PDLIM5: variants seen among roughly 807,000 people sequenced by gnomAD.
PDLIM5 encodes the protein PDZ and LIM domain 5.
In PDLIM5, 34 loss-of-function variants were observed where a neutral mutation model predicts 64.2. The observed-to-expected ratio is 0.53, with a 90% CI of 0.40 to 0.71. PDLIM5 has a LOEUF of 0.71. Ranked by LOEUF, PDLIM5 falls within the 30% of genes least tolerant of loss-of-function variation. PDLIM5 has a pLI of 0.00. For missense variants in PDLIM5, 683 were observed against 733.6 expected (o/e 0.93, Z 0.80); for synonymous variants, 253 against 269.1 (o/e 0.94, Z 0.59).
Position 94,484,442 on chromosome 4 carries a change from G to A in PDLIM5, c.96+29058G>A, listed in dbSNP as rs375494985. On this transcript the variant is annotated intron_variant, in intron 2 of 12. Transcript: ENST00000317968. ...AAATAGAATTATTAATTTACTTTGC[G>A]TGGATCACTATATATAACTATGTAA... Among the ~76,000 whole-genome samples the A allele has an allele frequency of 7.2e-5, 11 of 152,246 alleles. No homozygotes were observed. The East Asian group carries it at 1.2e-3, about 16-fold the overall frequency.
chr4:94,612,323 T>C (rs1578470323), intron 7 of PDLIM5, among the ~76,000 whole-genome samples: 1 of 152,322 alleles, frequency 6.6e-6, no homozygotes, highest in East Asian at 1.9e-4. Flanking sequence ...AGAAAGATCA[T>C]AGTACATTTT....
At chr4:94,455,814 C>A in intron 2 of PDLIM5, 1 of 1,494,798 alleles carries the variant, frequency 6.7e-7, no homozygotes, top group Non-Finnish European at 9.0e-7. Context: ...GAATTATTTC[C>A]TCAGCTCACT....
chr4:94,636,460 GATT>G (rs1391438999), intron 8 of PDLIM5, among the ~76,000 whole-genome samples: 1 of 147,558 alleles, frequency 6.8e-6, no homozygotes. Context: ...TCATGTAACT[GATT>G]AAATAATATT....
chr4:94,551,277 T>C (rs1172184990), intron 3 of PDLIM5, among the ~76,000 whole-genome samples: 1 of 152,156 alleles, frequency 6.6e-6, no homozygotes, highest in East Asian at 1.9e-4. Context: ...TGTATACCTG[T>C]TTAATGCCAA....
intron 9 of PDLIM5, among the ~76,000 whole-genome samples, chr4:94,642,834 GC>G (rs532045206): frequency 4.0e-4 from 61 of 152,264 alleles, no homozygotes; most frequent in Middle Eastern, 3.4e-3. Flanking sequence ...TTAAAAACGA[GC>G]TGTAGTTTCA....
At chr4:94,642,272 A>G (rs940166730) in intron 9 of PDLIM5, among the ~76,000 whole-genome samples, 2 of 152,216 alleles carry the variant, frequency 1.3e-5, no homozygotes, top group African/African-American at 4.8e-5. Context: ...ATGTCATACC[A>G]CATCAGTTGC....
At chr4:94,477,440 T>C (rs547500527) in intron 2 of PDLIM5, among the ~76,000 whole-genome samples, 2 of 152,224 alleles carry the variant, frequency 1.3e-5, no homozygotes, top group Non-Finnish European at 2.9e-5. Context: ...TGTGTTTAAA[T>C]GTTCTTAAAG....
intron 9 of PDLIM5, among the ~76,000 whole-genome samples, chr4:94,652,850 C>T (rs757609502): frequency 1.4e-4 from 22 of 151,930 alleles, no homozygotes; most frequent in Middle Eastern, 6.8e-3. Context: ...TAGAAAATAC[C>T]CTCTTACACC....
intron 5 of PDLIM5, among the ~76,000 whole-genome samples, chr4:94,578,025 T>C (rs912204769): frequency 0.53 from 876 of 1,638 alleles, 426 homozygotes; most frequent in Admixed American, 0.64. Context: ...AGAGACGGGG[T>C]TTCACCGTTT....
chr4:94,568,191 G>A (rs930754708), intron 3 of PDLIM5, among the ~76,000 whole-genome samples: 2 of 152,152 alleles, frequency 1.3e-5, no homozygotes, highest in South Asian at 2.1e-4. Context: ...TGGCTTACAG[G>A]CCAAGTCCTG....
At chr4:94,479,969 G>A (rs1411022100) in intron 2 of PDLIM5, among the ~76,000 whole-genome samples, 1 of 152,128 alleles carries the variant, frequency 6.6e-6, no homozygotes, top group Non-Finnish European at 1.5e-5. Flanking sequence ...TATCACTAGG[G>A]GAAGGAGAGA....
At chr4:94,465,175 T>C (rs1016218161) in intron 2 of PDLIM5, among the ~76,000 whole-genome samples, 2 of 152,182 alleles carry the variant, frequency 1.3e-5, no homozygotes, top group Admixed American at 6.6e-5. Context: ...AAGCCCTATC[T>C]CTTCCTCTAG....
At chr4:94,638,199 T>A (rs1560757444) in intron 8 of PDLIM5, among the ~76,000 whole-genome samples, 1 of 152,156 alleles carries the variant, frequency 6.6e-6, no homozygotes, top group Non-Finnish European at 1.5e-5. Context: ...CAGGCCTGGA[T>A]AAAGAAATTA....
In PDLIM5 at chr4:94,455,352, A is replaced by C; in HGVS notation, c.64A>C (p.Lys22Gln). 6.2e-7 allele frequency: 1 copy of C among 1,613,156 alleles called. No homozygotes were observed. The highest frequency in any genetic ancestry group is 2.2e-5 in the East Asian group (1 of 44,878). The change falls in exon 2 of 13, where the codon AAG becomes CAG. Residue 22 changes from lysine to glutamine, a missense_variant. Physicochemically the swap from Lys to Gln is moderately conservative, Grantham distance 53. Transcript: ENST00000317968. ...TTGGGGTTTCCGGCTGCAGGGCGGT[A>C]AGGATTTCAACATGCCTCTGACAAT... ...APWGFRLQGG[K>Q]DFNMPLTISS...
intron 8 of PDLIM5, among the ~76,000 whole-genome samples, chr4:94,625,713 A>G (rs1739636775): frequency 6.6e-6 from 1 of 152,122 alleles, no homozygotes. Context: ...TCGGCCTCCC[A>G]AAGTGCTGGG....
chr4:94,659,013 C>A (rs1249405836), intron 11 of PDLIM5, among the ~76,000 whole-genome samples: 2 of 152,138 alleles, frequency 1.3e-5, no homozygotes, highest in Non-Finnish European at 2.9e-5. Context: ...ACAGTCTAGC[C>A]TTAATACCTA....
At chr4:94,493,437 A>C (rs971991919) in intron 2 of PDLIM5, among the ~76,000 whole-genome samples, 2 of 152,108 alleles carry the variant, frequency 1.3e-5, no homozygotes, top group Admixed American at 1.3e-4. Context: ...CAGCCTGCCG[A>C]GTAGCTGGGA....
At chr4:94,576,260 T>C (rs180864735) in intron 5 of PDLIM5, among the ~76,000 whole-genome samples, 2 of 146,764 alleles carry the variant, frequency 1.4e-5, no homozygotes, top group East Asian at 4.1e-4. Context: ...TTCTGAACCA[T>C]GTAACATCTC....
intron 2 of PDLIM5, among the ~76,000 whole-genome samples, chr4:94,490,471 A>G (rs1252006729): frequency 6.6e-6 from 1 of 152,132 alleles, no homozygotes; most frequent in East Asian, 1.9e-4. Flanking sequence ...AAAATTACTG[A>G]TTATATCCTT....
Sources: gnomAD v4.1 joint callset for allele counts (sites outside exome capture counted in the v4.1 genomes callset) on GRCh38, gnomAD v4.1.1 for gene constraint, MANE v1.5 for transcripts, NCBI Gene and HGNC (gene_info 2026-07-23, HGNC 2026-07-21) for gene names.